Variants in ANKRD13D observed in about 807,000 individuals in gnomAD.
ANKRD13D encodes ankyrin repeat domain 13D.
In ANKRD13D, 24 loss-of-function variants were observed where a neutral mutation model predicts 68.8. The ratio of observed to expected loss-of-function variants is 0.35; its 90% confidence interval spans 0.25 to 0.49. The LOEUF is 0.49. Ranked by LOEUF, ANKRD13D falls within the 20% of genes least tolerant of loss-of-function variation. The pLI is 0.99. For missense variants in ANKRD13D, 735 were observed against 832.1 expected (o/e 0.88, Z 1.44); for synonymous variants, 331 against 336.1 (o/e 0.98, Z 0.16).
In ANKRD13D at chr11:67,301,519, C is replaced by T. The variant is rs138807212; in HGVS notation, c.1380C>T (p.Thr460=). 1.2e-3 allele frequency: 1,893 copies of T among 1,613,076 alleles called. 4 individuals carry two copies. Among genetic ancestry groups the T allele is most frequent in the Non-Finnish European group, 1.3e-3 (1,554 of 1,179,930 alleles). The stretch of plus-strand genomic sequence containing the variant: ...CTTTCCCGTGCGAGGTGGACCCCAC[C>T]GTGTTTGAAGTGCCCAACGGGTACA... ...GNPFPCEVDP[T]VFEVPNGYSV... is the part of the protein sequence containing the mutation. The change falls in exon 13 of 15, where the codon ACC becomes ACT. Residue 460 remains threonine, a synonymous_variant. Coordinates refer to ENST00000511455, the MANE Select transcript of ANKRD13D (RefSeq NM_207354.3). The surrounding 1 kb of genome is among the most constrained non-coding windows in gnomAD (Gnocchi z 4.5).
chr11:67,296,164 T>C (rs1860749284), intron 6 of ANKRD13D, among the ~76,000 whole-genome samples: 1 of 152,230 alleles, frequency 6.6e-6, no homozygotes, highest in Non-Finnish European at 1.5e-5. Flanking sequence ...ATAAGTGATA[T>C]TGGTCTGTAG....
In ANKRD13D at chr11:67,289,889, G is replaced by A. The variant is rs899554011; in HGVS notation, c.91-189G>A. ...TGACCAGGCCCCGCCGCCAGACCCC[G>A]GCTCTGCCCCTGCCTTCCCTCCTGC... is the stretch of plus-strand genomic sequence containing the variant. On this transcript the variant is annotated intron_variant, in intron 1 of 14. Coordinates refer to ENST00000511455, the MANE Select transcript of ANKRD13D (RefSeq NM_207354.3). 4 of 1,431,548 alleles carry A rather than the reference G, an allele frequency of 2.8e-6. No individual in the cohort carries two copies. The African/African-American group carries it at 4.3e-5, about 15-fold the overall frequency. The allele number at this position is 1,431,548 out of a possible 1,614,324, so 88.7% of individuals were successfully genotyped here. A position where few individuals can be genotyped will look rare whatever the true frequency, so the allele number is the denominator to read the frequency against.
chr11:67,302,250 A>C lies in ANKRD13D; in HGVS notation c.1736A>C (p.Glu579Ala). The C allele has an allele frequency of 6.4e-7, 1 of 1,572,900 alleles. No individual in the cohort carries two copies. The highest frequency in any genetic ancestry group is 8.6e-7 in the Non-Finnish European group (1 of 1,158,834). The change falls in exon 15 of 15, where the codon GAG (glutamate) becomes GCG (alanine). Residue 579 changes from glutamate to alanine, a missense_variant. Transcript: ENST00000511455. The part of the protein sequence containing the change: ...LRLALELSSR[E>A]QEERERRGQQ... The stretch of plus-strand genomic sequence containing the variant: ...CTGGCCCTGGAGTTGTCTTCACGGG[A>C]GCAGGAGGAGCGGGAGCGGCGCGGG...
chr11:67,299,517 C>T lies in ANKRD13D; in HGVS notation c.799-13C>T. The T allele has an allele frequency of 6.5e-7, 1 of 1,549,440 alleles. No individual in the cohort carries two copies. The highest frequency in any genetic ancestry group is 8.7e-7 in the Non-Finnish European group (1 of 1,145,958). On this transcript the variant is annotated splice_polypyrimidine_tract_variant and intron_variant, in intron 7 of 14. Coordinates refer to ENST00000511455, the MANE Select transcript of ANKRD13D (RefSeq NM_207354.3). This position sits in a 1 kb window ranked among gnomAD's most constrained non-coding sequence, Gnocchi z 6.2. ...CTCTGAGCCCCCAGCTCCCCGTGTC[C>T]CCTGCTCCCCAGGTGTACAGTGCCA...
Position 67,299,822 on chromosome 11 carries a change from C to T in ANKRD13D, c.881-5C>T, listed in dbSNP as rs773392126. The T allele has an allele frequency of 1.1e-5, 17 of 1,532,730 alleles. No homozygotes were observed. The East Asian group carries it at 1.1e-4, about 10-fold the overall frequency. The allele number at this position is 1,532,730 out of a possible 1,614,324, so 94.9% of individuals were successfully genotyped here. A position where few individuals can be genotyped will look rare whatever the true frequency, so the allele number is the denominator to read the frequency against. On this transcript the variant is annotated splice_polypyrimidine_tract_variant and splice_region_variant and intron_variant, in intron 8 of 14. Coordinates refer to ENST00000511455, the MANE Select transcript of ANKRD13D (RefSeq NM_207354.3). The surrounding 1 kb of genome is among the most constrained non-coding windows in gnomAD (Gnocchi z 6.2). ...CCCTTACCAGCTCCCACCCCTTCTC[C>T]GTAGCGGGGAAGACTCCATTCCAGT...
chr11:67,289,683 C>A, intron 1 of ANKRD13D, 133 bp downstream of exon 1: 1 of 1,279,744 alleles, frequency 7.8e-7, no homozygotes, highest in South Asian at 1.6e-5. Context: ...CTCCCCTGCA[C>A]GATCCCAAGC....
At position 67,289,791 on chromosome 11, in the gene ANKRD13D, C is replaced by T. The variant is rs114522764; in HGVS notation, c.90+241C>T. On this transcript the variant is annotated intron_variant, in intron 1 of 14. Transcript: ENST00000511455. ...GAACTCGCTTCCGCATCCTTGCTGA[C>T]CCAAGCTGAGAACAAGAACTCTGGT... The T allele has an allele frequency of 9.8e-4, 1,396 of 1,423,468 alleles. 9 individuals carry two copies. In the African/African-American group the frequency reaches 0.013, roughly 14 times the overall value. 88.2% of individuals were successfully genotyped at this position (1,423,468 alleles called of 1,614,324 possible).
chr11:67,289,688 C>G, intron 1 of ANKRD13D, 138 bp downstream of exon 1: 1 of 1,305,834 alleles, frequency 7.7e-7, no homozygotes, highest in Non-Finnish European at 1.0e-6. Context: ...CTGCACGATC[C>G]CAAGCCCAGG....
At position 67,300,188 on chromosome 11, in the gene ANKRD13D, G is replaced by T. The variant is rs1365413242; in HGVS notation, c.1073+65G>T. 2.5e-6 allele frequency: 4 copies of T among 1,600,260 alleles called. No homozygotes were observed. Among genetic ancestry groups the T allele is most frequent in the South Asian group, 2.2e-5 (2 of 89,280 alleles). On this transcript the variant is annotated intron_variant, in intron 10 of 14. Transcript: ENST00000511455. This position sits in a 1 kb window ranked among gnomAD's most constrained non-coding sequence, Gnocchi z 4.3. Reference sequence around the variant, plus strand: ...AGGGCTCTTGCAGACCCCTCTCTGGGCCTGTCATAGTTAGGGACCCACTCC... The same window carrying T: ...AGGGCTCTTGCAGACCCCTCTCTGGTCCTGTCATAGTTAGGGACCCACTCC...
intron 3 of ANKRD13D, 52 bp downstream of exon 3, chr11:67,290,498 T>G: frequency 6.6e-7 from 1 of 1,515,562 alleles, no homozygotes; most frequent in Middle Eastern, 2.4e-4. Context: ...GGCACCACCC[T>G]GGTTACTGTG....
In ANKRD13D at chr11:67,296,086, A is replaced by C. The variant is rs78472376; in HGVS notation, c.732-2972A>C. ...GATAAGTTCCACTTGGTTGTGGTGT[A>C]TAATTCTTTTCATATGTTGCTAGAT... On this transcript the variant is annotated intron_variant, in intron 6 of 14. Transcript: ENST00000511455. Among the ~76,000 whole-genome samples the C allele has an allele frequency of 4.8e-3, 729 of 152,284 alleles. 3 individuals carry two copies. Among genetic ancestry groups the C allele is most frequent in the African/African-American group, 0.017 (711 of 41,550 alleles).
chr11:67,291,637 G>A lies in ANKRD13D; in HGVS notation c.432G>A (p.Val144=), dbSNP rs151299952. The change falls in exon 5 of 15, where the codon GTG becomes GTA. Residue 144 remains valine (V), a synonymous_variant. Coordinates refer to ENST00000511455, the MANE Select transcript of ANKRD13D (RefSeq NM_207354.3). ...PLVSKMCPSD[V]YRVWKRGESL... Reference sequence around the variant, plus strand: ...TGTCTAAGATGTGCCCAAGCGATGTGTACCGCGTGTGGAAGCGGGGTGAGA... The same window carrying A: ...TGTCTAAGATGTGCCCAAGCGATGTATACCGCGTGTGGAAGCGGGGTGAGA... 102 of 1,614,092 alleles carry A rather than the reference G, an allele frequency of 6.3e-5. 1 individual carries two copies. In the Middle Eastern group the frequency reaches 9.9e-4, roughly 16 times the overall value.
At position 67,300,400 on chromosome 11, in the gene ANKRD13D, C is replaced by A; in HGVS notation, c.1073+277C>A. 1 of 451,150 alleles carries A rather than the reference C, an allele frequency of 2.2e-6. No individual in the cohort carries two copies. The allele number at this position is 451,150 out of a possible 1,614,324, so 27.9% of individuals were successfully genotyped here. On this transcript the variant is annotated intron_variant, in intron 10 of 14. Transcript: ENST00000511455. The surrounding 1 kb of genome is among the most constrained non-coding windows in gnomAD (Gnocchi z 4.3). ...TGAGTACCTGCTGGGGCCAGCGTGG[C>A]ACAGTGGGAAGGGCCCCCAGCGACG... is the stretch of plus-strand genomic sequence containing the variant.
chr11:67,301,041 C>A lies in ANKRD13D; in HGVS notation c.1125C>A (p.Asp375Glu). The A allele has an allele frequency of 6.2e-7, 1 of 1,614,004 alleles. No homozygotes were observed. The highest frequency in any genetic ancestry group is 8.5e-7 in the Non-Finnish European group (1 of 1,180,032). Residue 375 changes from aspartate to glutamate, a missense_variant, in exon 11 of 15, where the codon GAC (aspartate) becomes GAA (glutamate). By Grantham distance (45) the Asp-to-Glu change is conservative. Coordinates refer to ENST00000511455, the MANE Select transcript of ANKRD13D (RefSeq NM_207354.3). This position sits in a 1 kb window ranked among gnomAD's most constrained non-coding sequence, Gnocchi z 4.5. The stretch of plus-strand genomic sequence containing the variant: ...AAGAGCACCCGCTCTCCCTGGGTGA[C>A]CAGGTGACCCCCATCATCGACCTAA... ...LSEEHPLSLG[D>E]QVTPIIDLMA...
Position 67,299,040 on chromosome 11 carries a change from C to G in ANKRD13D, c.732-18C>G. On this transcript the variant is annotated intron_variant, in intron 6 of 14. Coordinates refer to ENST00000511455, the MANE Select transcript of ANKRD13D (RefSeq NM_207354.3). The surrounding 1 kb of genome is among the most constrained non-coding windows in gnomAD (Gnocchi z 6.2). ...GTGAGGGTGCAGGTCTCACCAGCTC[C>G]TGTTTGGTCTGTTTCAGGAACAAAT... The G allele has an allele frequency of 2.5e-6, 4 of 1,597,776 alleles. No homozygotes were observed. The highest frequency in any genetic ancestry group is 3.4e-6 in the Non-Finnish European group (4 of 1,169,872).
chr11:67,291,839 T>C (rs1860569303), intron 5 of ANKRD13D, 93 bp downstream of exon 5: 2 of 1,539,618 alleles, frequency 1.3e-6, no homozygotes, highest in Non-Finnish European at 1.7e-6. Context: ...ACTTTCCAGA[T>C]GTGGAAGCTG....
At chr11:67,291,813 G>A in intron 5 of ANKRD13D, 67 bp downstream of exon 5, 4 of 1,582,890 alleles carry the variant, frequency 2.5e-6, no homozygotes, top group Non-Finnish European at 3.4e-6. Context: ...GGAGGACGGT[G>A]CTGCCTTTTC....
At position 67,299,536 on chromosome 11, in the gene ANKRD13D, A is replaced by G; in HGVS notation, c.805A>G (p.Ser269Gly). The G allele has an allele frequency of 1.3e-6, 2 of 1,550,762 alleles. No homozygotes were observed. Among genetic ancestry groups the G allele is most frequent in the Non-Finnish European group, 1.7e-6 (2 of 1,146,828 alleles). The change falls in exon 8 of 15, where the codon AGT becomes GGT. Residue 269 changes from serine (S) to glycine (G), a missense_variant. Transcript: ENST00000511455. This position sits in a 1 kb window ranked among gnomAD's most constrained non-coding sequence, Gnocchi z 6.2. ...CGTGTCCCCTGCTCCCCAGGTGTAC[A>G]GTGCCACCAACGTGGAGCTGGTGAC... Reference protein sequence around the residue: ...TVSGYEAKVYSATNVELVTRT... With the variant: ...TVSGYEAKVYGATNVELVTRT...
chr11:67,302,353 G>A lies in ANKRD13D; in HGVS notation c.*21G>A, dbSNP rs1861050426. On this transcript the variant is annotated 3_prime_UTR_variant, in exon 15 of 15. Coordinates refer to ENST00000511455, the MANE Select transcript of ANKRD13D (RefSeq NM_207354.3). ...ACTGAGCCATAGCCCCGGGAGGGCT[G>A]GCCAGGCCACTCCCTGCCCGCTTTT... 5 of 1,476,362 alleles carry A rather than the reference G, an allele frequency of 3.4e-6. No homozygotes were observed. The highest frequency in any genetic ancestry group is 4.5e-6 in the Non-Finnish European group (5 of 1,105,794). 91.5% of individuals were successfully genotyped at this position (1,476,362 alleles called of 1,614,324 possible).
Sources: gnomAD v4.1 joint callset for allele counts (sites outside exome capture counted in the v4.1 genomes callset) on GRCh38, gnomAD v4.1.1 for gene constraint, Gnocchi (gnomAD v3.1) non-coding constraint, MANE v1.5 for transcripts, NCBI Gene and HGNC (gene_info 2026-07-23, HGNC 2026-07-21) for gene names.